The following CNBD1 variants were observed in gnomAD, a reference collection of about 807,000 sequenced individuals.
The protein encoded by CNBD1 is cyclic nucleotide-binding domain-containing protein 1.
A neutral mutation model predicts 54.4 loss-of-function variants in CNBD1; 71 were observed. The observed-to-expected ratio is 1.30, with a 90% CI of 1.08 to 1.59. The LOEUF (loss-of-function observed/expected upper bound fraction) is 1.59, where lower values mean the gene tolerates loss of function less well. CNBD1 is among the 40% of genes most tolerant of loss of function. The probability of loss-of-function intolerance (pLI) is 0.00; values close to 1 mark genes in which losing one functional copy is unlikely to be tolerated. For missense variants in CNBD1, 659 were observed against 518.0 expected (o/e 1.27, Z -2.64); for synonymous variants, 182 against 170.7 (o/e 1.07, Z -0.51).
chr8:87,093,079 C>T (rs1302271973), intron 4 of CNBD1, among the ~76,000 whole-genome samples: 1 of 152,128 alleles, frequency 6.6e-6, no homozygotes, highest in Non-Finnish European at 1.5e-5. Flanking sequence ...ATCTTTTCTT[C>T]TCCCTCTGAC....
At position 87,281,574 on chromosome 8, in the gene CNBD1, AT is replaced by A. The variant is rs1808601924; in HGVS notation, c.772-3103del. On this transcript the variant is annotated intron_variant, in intron 6 of 10. Coordinates refer to ENST00000518476, the MANE Select transcript of CNBD1 (RefSeq NM_173538.3). ...TATATATATATATATATATATATAT[AT>A]ATATATATATATATATATATATATA... is the stretch of plus-strand genomic sequence containing the variant. Among the ~76,000 whole-genome samples the A allele has an allele frequency of 3.8e-5, 2 of 52,744 alleles. 1 individual carries two copies. The highest frequency in any genetic ancestry group is 8.8e-5 in the Non-Finnish European group (2 of 22,790). The allele number at this position is 52,744 out of a possible 152,430, so 34.6% of individuals were successfully genotyped here. A position where few individuals can be genotyped will look rare whatever the true frequency, so the allele number is the denominator to read the frequency against.
chr8:87,275,854 TG>T (rs1808468280), intron 6 of CNBD1, among the ~76,000 whole-genome samples: 1 of 151,832 alleles, frequency 6.6e-6, no homozygotes, highest in Admixed American at 6.6e-5. Flanking sequence ...CTCCTTAAGC[TG>T]ATAAGCAACT....
intron 10 of CNBD1, among the ~76,000 whole-genome samples, chr8:87,366,310 A>C (rs544214780): frequency 6.6e-6 from 1 of 152,188 alleles, no homozygotes; most frequent in Non-Finnish European, 1.5e-5. Context: ...TCAAATTGGT[A>C]GATTTCATTT....
At chr8:87,428,523 T>C in intron 2 of CNBD1, 1 of 431,764 alleles carries the variant, frequency 2.3e-6, no homozygotes, top group African/African-American at 2.0e-5. Context: ...ATATTCTAAG[T>C]GTTTTCTTCT....
intron 5 of CNBD1, among the ~76,000 whole-genome samples, chr8:87,222,594 T>C (rs1171442364): frequency 6.6e-6 from 1 of 152,168 alleles, no homozygotes; most frequent in African/African-American, 2.4e-5. Flanking sequence ...ATGACCTTAT[T>C]CATCCAATTA....
chr8:87,261,277 G>A (rs1334125133), intron 6 of CNBD1, among the ~76,000 whole-genome samples: 1 of 152,108 alleles, frequency 6.6e-6, no homozygotes, highest in Non-Finnish European at 1.5e-5. Context: ...ATCCCCAGCT[G>A]CTCTGAGAGA....
chr8:87,130,817 T>C (rs1174067429), intron 4 of CNBD1, among the ~76,000 whole-genome samples: 1 of 151,924 alleles, frequency 6.6e-6, no homozygotes, highest in Non-Finnish European at 1.5e-5. Context: ...ATAATTCAAC[T>C]ATCCAAATAT....
chr8:86,928,194 A>C (rs1243548923), intron 3 of CNBD1, among the ~76,000 whole-genome samples: 1 of 152,140 alleles, frequency 6.6e-6, no homozygotes. Flanking sequence ...AAGAAGTTAT[A>C]TCCTTGACCA....
chr8:87,118,049 C>T (rs931283834), intron 4 of CNBD1, among the ~76,000 whole-genome samples: 1 of 152,042 alleles, frequency 6.6e-6, no homozygotes, highest in Non-Finnish European at 1.5e-5. Context: ...GGCACGGTGC[C>T]TCACACCTGT....
At chr8:87,273,652 A>T in intron 6 of CNBD1, among the ~76,000 whole-genome samples, 1 of 152,010 alleles carries the variant, frequency 6.6e-6, no homozygotes, top group Non-Finnish European at 1.5e-5. Context: ...CAGTTACTTT[A>T]TCATGAATAT....
At chr8:87,411,257 C>A (rs867792814) in intron 2 of CNBD1, among the ~76,000 whole-genome samples, 12 of 151,626 alleles carry the variant, frequency 7.9e-5, no homozygotes, top group Middle Eastern at 3.4e-3. Flanking sequence ...ATAGTTGAAG[C>A]TAAACATATT....
rs553580136 is a variant in CNBD1, at chr8:87,101,007, A to T, written c.432-104986A>T. On this transcript the variant is annotated intron_variant, in intron 4 of 10. Transcript: ENST00000518476. ...GAAACAAAACAAAACGAAAAACTTC[A>T]GTTCCTGGCCACTGGGGGAGAAAGA... is the stretch of plus-strand genomic sequence containing the variant. Among the ~76,000 whole-genome samples the T allele has an allele frequency of 4.6e-5, 7 of 152,364 alleles. No individual in the cohort carries two copies. In the East Asian group the frequency reaches 7.7e-4, roughly 17 times the overall value.
At chr8:87,421,532 T>G (rs1391510248) in intron 2 of CNBD1, among the ~76,000 whole-genome samples, 1 of 150,976 alleles carries the variant, frequency 6.6e-6, no homozygotes, top group East Asian at 2.0e-4. Flanking sequence ...AGTGTTTGGT[T>G]TTTTGTTCTT....
intron 2 of CNBD1, among the ~76,000 whole-genome samples, chr8:86,892,085 C>CA (rs2131794082): frequency 6.6e-6 from 1 of 151,966 alleles, no homozygotes; most frequent in African/African-American, 2.4e-5. Context: ...CTAAAACTTT[C>CA]AATACTGTGT....
At chr8:87,129,069 CAA>C (rs570657716) in intron 4 of CNBD1, among the ~76,000 whole-genome samples, 30 of 26,178 alleles carry the variant, frequency 1.1e-3, no homozygotes, top group East Asian at 5.1e-3. Context: ...GACTCTGCCT[CAA>C]AAAAAAAAAA....
At chr8:87,415,257 C>T (rs762123411) in intron 2 of CNBD1, among the ~76,000 whole-genome samples, 1 of 152,026 alleles carries the variant, frequency 6.6e-6, no homozygotes, top group African/African-American at 2.4e-5. Context: ...GGTACTCATA[C>T]TCAGACTGTC....
At chr8:87,284,093 C>A (rs1284078839) in intron 6 of CNBD1, among the ~76,000 whole-genome samples, 4 of 152,108 alleles carry the variant, frequency 2.6e-5, no homozygotes, top group Non-Finnish European at 4.4e-5. Flanking sequence ...CCTTATCCTT[C>A]ACATGCCCTC....
chr8:86,867,190 A>C (rs1215036996), intron 1 of CNBD1, among the ~76,000 whole-genome samples: 2 of 152,100 alleles, frequency 1.3e-5, no homozygotes, highest in Non-Finnish European at 2.9e-5. Flanking sequence ...CGTTTTCTTA[A>C]GATTGTAAAC....
rs535973100 is a variant in CNBD1, at chr8:87,427,160, A to G, written c.214-1386A>G. ...CTTCATTCCTGATATATGTGCTTTC[A>G]GACTCAATTCCCATTAGGCCATACC... On this transcript the variant is annotated intron_variant, in intron 2 of 7. Coordinates refer to the CNBD1 transcript ENST00000521593. Among the ~76,000 whole-genome samples the G allele has an allele frequency of 2.0e-5, 3 of 152,202 alleles. No individual in the cohort carries two copies. The East Asian group carries it at 5.8e-4, about 29-fold the overall frequency.
Sources: allele counts gnomAD v4.1 joint callset (sites outside exome capture counted in the v4.1 genomes callset), GRCh38; gene constraint gnomAD v4.1.1; transcripts MANE v1.5; gene names NCBI Gene and HGNC (gene_info 2026-07-23, HGNC 2026-07-21).